ERMARD: variants seen among roughly 807,000 people sequenced by gnomAD.
ERMARD encodes the protein endoplasmic reticulum membrane-associated RNA degradation protein.
ERMARD carries 71 observed loss-of-function variants against 83.9 expected under a neutral mutation model. The observed-to-expected ratio is 0.85, with a 90% confidence interval of 0.70 to 1.03. The LOEUF is 1.03. Among genes scored for constraint, ERMARD ranks in the 50% least tolerant of loss-of-function variants. ERMARD has a pLI of 0.00. For missense variants in ERMARD, 838 were observed against 810.9 expected, an observed-to-expected ratio of 1.03 and a Z score of -0.41; for synonymous variants, 284 against 298.6, an observed-to-expected ratio of 0.95 and a Z score of 0.50.
chr6:169,762,408 CTT>C lies in ERMARD; in HGVS notation c.858-18_858-17del, dbSNP rs749375322. 3 of 1,601,442 alleles carry C rather than the reference CTT, an allele frequency of 1.9e-6. No individual in the cohort carries two copies. Among genetic ancestry groups the C allele is most frequent in the Non-Finnish European group, 2.6e-6 (3 of 1,170,108 alleles). ...ATTTTTGAAATGTGGAGTTTTACCT[CTT>C]TTCCCTTCAATTTCATAGGTTTGCT... On this transcript the variant is annotated intron_variant, in intron 8 of 17. Transcript: ENST00000366773.
intron 1 of ERMARD, chr6:169,751,967 G>C (rs938173053): frequency 2.8e-5 from 12 of 431,968 alleles, no homozygotes; most frequent in African/African-American, 2.3e-4. Flanking sequence ...GGTGGCGCGG[G>C]GGCGGAAAGC....
intron 1 of ERMARD, among the ~76,000 whole-genome samples, chr6:169,752,543 G>A (rs1790260461): frequency 6.6e-6 from 1 of 152,106 alleles, no homozygotes; most frequent in South Asian, 2.1e-4. Flanking sequence ...TAATTGTTAG[G>A]GCCTGCTGGG....
chr6:169,770,893 TC>T (rs1299385186), intron 12 of ERMARD: 2 of 152,144 alleles, frequency 1.3e-5, no homozygotes, highest in Non-Finnish European at 2.9e-5. Context: ...GTTTTATTTT[TC>T]CCATTGGATC....
At chr6:169,768,014 C>A in intron 10 of ERMARD, 89 bp from the exon 11 acceptor site, 2 of 1,065,162 alleles carry the variant, frequency 1.9e-6, no homozygotes, top group Non-Finnish European at 2.9e-6. Flanking sequence ...ACAAGTTAGG[C>A]TAAAAGTACT....
At chr6:169,758,898 GTTATC>G in intron 5 of ERMARD, 65 bp from the exon 6 acceptor site, 1 of 1,382,988 alleles carries the variant, frequency 7.2e-7, no homozygotes, top group Admixed American at 1.9e-5. Flanking sequence ...GAACACAAAT[GTTATC>G]TTCATACTAT....
In ERMARD at chr6:169,781,314, A is replaced by G; in HGVS notation, c.1854-16A>G. The G allele has an allele frequency of 1.3e-6, 2 of 1,576,346 alleles. No individual in the cohort carries two copies. The highest frequency in any genetic ancestry group is 1.7e-6 in the Non-Finnish European group (2 of 1,167,348). ...TTATAATGGAATGGATAAAGAAATT[A>G]ATTTTTTTTTTACAGGTTTGTAAAG... On this transcript the variant is annotated splice_polypyrimidine_tract_variant and intron_variant, in intron 17 of 17. Coordinates refer to ENST00000366773, the MANE Select transcript of ERMARD (RefSeq NM_018341.3).
At chr6:169,777,326 G>T (rs1793718890) in intron 16 of ERMARD, among the ~76,000 whole-genome samples, 1 of 152,190 alleles carries the variant, frequency 6.6e-6, no homozygotes, top group Non-Finnish European at 1.5e-5. Context: ...CTCTTTCAGG[G>T]TAAAGATCTT....
In ERMARD at chr6:169,773,402, G is replaced by T; in HGVS notation, c.1317G>T (p.Gln439His). 6.2e-7 allele frequency: 1 copy of T among 1,614,126 alleles called. No individual in the cohort carries two copies. The highest frequency in any genetic ancestry group is 8.5e-7 in the Non-Finnish European group (1 of 1,179,994). The change falls in exon 13 of 18, where the codon CAG becomes CAT. Residue 439 changes from glutamine to histidine, a missense_variant and splice_region_variant. Coordinates refer to ENST00000366773, the MANE Select transcript of ERMARD (RefSeq NM_018341.3). ...ATCCGGTTTTTCAGCTTAAAAAACAGGTATGCCAAATGCAGGGTCCCGGGA... is the reference window on the plus strand; with the variant it reads ...ATCCGGTTTTTCAGCTTAAAAAACATGTATGCCAAATGCAGGGTCCCGGGA... The part of the protein sequence containing the change: ...RCHPVFQLKK[Q>H]VLSCEESIRV...
chr6:169,751,405 CTGG>C, upstream of ERMARD: 1 of 1,614,134 alleles, frequency 6.2e-7, no homozygotes, highest in Non-Finnish European at 8.5e-7. Context: ...GCTGAGGGGT[CTGG>C]TTCGGGGTCT....
At position 169,776,786 on chromosome 6, in the gene ERMARD, C is replaced by T. The variant is rs7765561; in HGVS notation, c.1739+113C>T. On this transcript the variant is annotated intron_variant, in intron 16 of 17. Transcript: ENST00000366773. ...ACAGTAGCCCCTCACTGAACCCCAT[C>T]GACAGGTGTTGATATACTTGGAGTC... 0.24 allele frequency: 291,748 copies of T among 1,235,194 alleles called. 36,600 individuals carry two copies. Among genetic ancestry groups the T allele is most frequent in the African/African-American group, 0.42 (28,203 of 67,208 alleles). The allele number at this position is 1,235,194 out of a possible 1,614,324, so 76.5% of individuals were successfully genotyped here.
At chr6:169,770,728 T>G (rs1792795829) in intron 12 of ERMARD, 1 of 152,208 alleles carries the variant, frequency 6.6e-6, no homozygotes, top group Admixed American at 6.5e-5. Context: ...CAAGCCATCC[T>G]CTTACCTCAG....
chr6:169,757,071 C>T (rs1381821192), intron 5 of ERMARD, among the ~76,000 whole-genome samples: 1 of 152,124 alleles, frequency 6.6e-6, no homozygotes, highest in African/African-American at 2.4e-5. Context: ...GAGAATAGCA[C>T]GGGAAAGACC....
intron 13 of ERMARD, among the ~76,000 whole-genome samples, chr6:169,774,652 G>A (rs997563684): frequency 1.3e-5 from 2 of 152,162 alleles, no homozygotes; most frequent in African/African-American, 2.4e-5. Flanking sequence ...TACCACCCAC[G>A]CTCACTGGTG....
chr6:169,776,264 G>T, intron 15 of ERMARD, 191 bp from the exon 16 acceptor site: 1 of 1,546,420 alleles, frequency 6.5e-7, no homozygotes. Context: ...GGCTGTGAAT[G>T]CCACATTCTG....
At chr6:169,755,626 T>A in intron 3 of ERMARD, 2 of 582,392 alleles carry the variant, frequency 3.4e-6, no homozygotes, top group Admixed American at 3.5e-5. Flanking sequence ...CACAGGAAGG[T>A]TTTGAATTCA....
intron 9 of ERMARD, among the ~76,000 whole-genome samples, chr6:169,764,202 C>G (rs1377000553): frequency 6.6e-6 from 1 of 152,004 alleles, no homozygotes; most frequent in Non-Finnish European, 1.5e-5. Flanking sequence ...TCTCACGATT[C>G]TTCCTCCTTC....
rs759949107 is a variant in ERMARD, at chr6:169,759,868, A to G, written c.636A>G (p.Ala212=). ...GTTCAATGATGATACTGTTGACGGC[A>G]GGATTGGGTCAGTTACTGAAGAGTT... ...KYCSMMILLT[A]GLGQLLKSYL... Residue 212 remains alanine, a synonymous_variant, in exon 7 of 18, where the codon GCA becomes GCG. Coordinates refer to ENST00000366773, the MANE Select transcript of ERMARD (RefSeq NM_018341.3). 2.5e-6 allele frequency: 4 copies of G among 1,614,216 alleles called. No individual in the cohort carries two copies. The highest frequency in any genetic ancestry group is 3.4e-6 in the Non-Finnish European group (4 of 1,180,034).
intron 9 of ERMARD, among the ~76,000 whole-genome samples, chr6:169,765,317 C>T (rs1792064592): frequency 6.6e-6 from 1 of 152,176 alleles, no homozygotes; most frequent in Non-Finnish European, 1.5e-5. Flanking sequence ...GTTTTTAAGG[C>T]AGTACATATA....
intron 9 of ERMARD, among the ~76,000 whole-genome samples, chr6:169,763,115 C>T (rs993607822): frequency 3.9e-5 from 6 of 152,192 alleles, no homozygotes; most frequent in Non-Finnish European, 8.8e-5. Flanking sequence ...TTCCAGCCTA[C>T]CTCCTCTGGC....
Sources: allele counts gnomAD v4.1 joint callset (sites outside exome capture counted in the v4.1 genomes callset), GRCh38; gene constraint gnomAD v4.1.1; transcripts MANE v1.5; gene names NCBI Gene and HGNC (gene_info 2026-07-23, HGNC 2026-07-21).